Variants in INPP4B observed in about 807,000 individuals in gnomAD.
INPP4B encodes inositol polyphosphate-4-phosphatase type II B.
A neutral mutation model predicts 122.5 loss-of-function variants in INPP4B; 55 were observed. That is an observed-to-expected ratio of 0.45 (90% CI 0.36 to 0.56). The LOEUF is 0.56. INPP4B is among the 20% of genes least tolerant of loss of function. INPP4B has a pLI of 0.00. For missense variants in INPP4B, 1,000 were observed against 1,097.7 expected (o/e 0.91, Z 1.26); for synonymous variants, 403 against 388.7 (o/e 1.04, Z -0.43).
chr4:142,429,424 G>T (rs1208859743), intron 4 of INPP4B, among the ~76,000 whole-genome samples: 1 of 152,014 alleles, frequency 6.6e-6, no homozygotes, highest in Non-Finnish European at 1.5e-5. Flanking sequence ...CTTAAGATTT[G>T]ATTGGTCATT....
intron 23 of INPP4B, 114 bp from the exon 24 acceptor site, chr4:142,086,370 G>A: frequency 1.5e-6 from 1 of 645,616 alleles, no homozygotes; most frequent in Non-Finnish European, 2.7e-6. Context: ...TTTTAGGCAG[G>A]GTCTTGCTCT....
chr4:142,820,406 C>T (rs1780660422), intron 1 of INPP4B, among the ~76,000 whole-genome samples: 1 of 152,114 alleles, frequency 6.6e-6, no homozygotes, highest in Admixed American at 6.5e-5. Flanking sequence ...ACCATGTGAT[C>T]TCTGCACATG....
At chr4:142,501,363 C>T (rs1823349612) in intron 2 of INPP4B, among the ~76,000 whole-genome samples, 1 of 152,060 alleles carries the variant, frequency 6.6e-6, no homozygotes, top group Non-Finnish European at 1.5e-5. Flanking sequence ...GAGAAATCTG[C>T]CCAGAGAAGT....
At chr4:142,277,042 T>G (rs1748816849) in intron 9 of INPP4B, among the ~76,000 whole-genome samples, 1 of 151,988 alleles carries the variant, frequency 6.6e-6, no homozygotes, top group Non-Finnish European at 1.5e-5. Context: ...TTAGGTGGTG[T>G]TGCATTGTGA....
chr4:142,756,679 C>T (rs1561035077), intron 1 of INPP4B, among the ~76,000 whole-genome samples: 2 of 151,994 alleles, frequency 1.3e-5, no homozygotes, highest in Non-Finnish European at 2.9e-5. Flanking sequence ...ACATTATAAT[C>T]ATAAGAAAAG....
chr4:142,779,706 G>C (rs1366175593), intron 1 of INPP4B, among the ~76,000 whole-genome samples: 1 of 151,992 alleles, frequency 6.6e-6, no homozygotes, highest in African/African-American at 2.4e-5. Flanking sequence ...GGTATATCTG[G>C]TTTTTAAACA....
At chr4:142,281,108 T>A (rs1579577704) in intron 9 of INPP4B, among the ~76,000 whole-genome samples, 1 of 81,980 alleles carries the variant, frequency 1.2e-5, no homozygotes, top group South Asian at 3.1e-4. Context: ...ATTTATTTCA[T>A]TTTTTTTTTT....
intron 25 of INPP4B, among the ~76,000 whole-genome samples, chr4:142,066,526 G>A (rs1311779464): frequency 6.6e-6 from 1 of 152,154 alleles, no homozygotes; most frequent in Non-Finnish European, 1.5e-5. Context: ...GTTCTTGGAT[G>A]ATGCTGATGC....
intron 5 of INPP4B, among the ~76,000 whole-genome samples, chr4:142,418,854 C>T (rs1806289185): frequency 6.6e-6 from 1 of 152,096 alleles, no homozygotes; most frequent in Admixed American, 6.6e-5. Context: ...CTGGCTTTTC[C>T]ATCAGGTGGA....
intron 9 of INPP4B, among the ~76,000 whole-genome samples, chr4:142,278,859 A>G (rs1239180821): frequency 6.6e-6 from 1 of 151,944 alleles, no homozygotes; most frequent in Non-Finnish European, 1.5e-5. Flanking sequence ...ACTTTGAGAA[A>G]TAATCTATGA....
intron 1 of INPP4B, among the ~76,000 whole-genome samples, chr4:142,832,758 TC>T (rs1350962987): frequency 1.4e-5 from 2 of 147,596 alleles, no homozygotes; most frequent in African/African-American, 5.3e-5. Flanking sequence ...CAGTCTCTAC[TC>T]CCCCCCCGCA....
intron 2 of INPP4B, among the ~76,000 whole-genome samples, chr4:142,509,714 T>C (rs922323197): frequency 6.6e-6 from 1 of 152,192 alleles, no homozygotes; most frequent in African/African-American, 2.4e-5. Context: ...TATGATGGAT[T>C]AAAGACTTAA....
intron 5 of INPP4B, among the ~76,000 whole-genome samples, chr4:142,406,922 C>T (rs1803521999): frequency 6.6e-6 from 1 of 152,080 alleles, no homozygotes; most frequent in South Asian, 2.1e-4. Context: ...TACATCCTAC[C>T]CCACTGGCTT....
chr4:142,310,677 C>CT (rs58821770), intron 8 of INPP4B, among the ~76,000 whole-genome samples: 48,717 of 143,064 alleles, frequency 0.34, 8,486 homozygotes, highest in South Asian at 0.48. Context: ...AGCCCCAGTA[C>CT]TTTTTTTTTT....
chr4:142,382,343 T>C (rs897303731), intron 7 of INPP4B, among the ~76,000 whole-genome samples: 1 of 151,574 alleles, frequency 6.6e-6, no homozygotes, highest in Non-Finnish European at 1.5e-5. Flanking sequence ...ATCCTATCTC[T>C]ACTGAAAATA....
At chr4:142,836,932 G>C (rs1016778891) in intron 1 of INPP4B, among the ~76,000 whole-genome samples, 2 of 151,884 alleles carry the variant, frequency 1.3e-5, no homozygotes, top group African/African-American at 4.8e-5. Flanking sequence ...TTGGGAGGCC[G>C]AGGCGGGTGG....
intron 17 of INPP4B, among the ~76,000 whole-genome samples, chr4:142,150,366 C>T (rs1813189484): frequency 6.6e-6 from 1 of 152,188 alleles, no homozygotes; most frequent in Admixed American, 6.5e-5. Context: ...CAACCACTAC[C>T]ACCTATCAGA....
At chr4:142,219,361 G>A (rs1848501443) in intron 12 of INPP4B, among the ~76,000 whole-genome samples, 1 of 152,128 alleles carries the variant, frequency 6.6e-6, no homozygotes, top group African/African-American at 2.4e-5. Flanking sequence ...TCTTTTTCCA[G>A]ACTAAGAATC....
At chr4:142,464,166 TA>T (rs1817276286) in intron 2 of INPP4B, among the ~76,000 whole-genome samples, 1 of 152,154 alleles carries the variant, frequency 6.6e-6, no homozygotes, top group Admixed American at 6.6e-5. Context: ...ATGCTATTTA[TA>T]AAACAATTTA....
Sources: gnomAD v4.1 joint callset for allele counts (sites outside exome capture counted in the v4.1 genomes callset) on GRCh38, gnomAD v4.1.1 for gene constraint, MANE v1.5 for transcripts, NCBI Gene and HGNC (gene_info 2026-07-23, HGNC 2026-07-21) for gene names.